Variants in ARSB observed in about 807,000 individuals in gnomAD.
ARSB encodes arylsulfatase B, also known as N-acetylgalactosamine-4-sulfatase.
In ARSB, 41 loss-of-function variants were observed where a neutral mutation model predicts 50.9. The observed-to-expected ratio is 0.81, with a 90% CI of 0.63 to 1.04. ARSB has a LOEUF of 1.04. ARSB is among the 50% of genes least tolerant of loss of function. The probability of loss-of-function intolerance (pLI) is 0.00; values close to 1 mark genes in which losing one functional copy is unlikely to be tolerated. For synonymous variants in ARSB, 269 were observed against 284.8 expected (o/e 0.94, Z 0.56); for missense variants, 672 against 693.3 (o/e 0.97, Z 0.35).
intron 5 of ARSB, among the ~76,000 whole-genome samples, chr5:78,846,705 T>C (rs1287769078): frequency 2.0e-5 from 3 of 152,190 alleles, no homozygotes; most frequent in Admixed American, 2.0e-4. Context: ...ATAGGGACAA[T>C]TTGACATCCT....
chr5:78,803,239 C>A (rs1360346198), intron 6 of ARSB, among the ~76,000 whole-genome samples: 1 of 152,194 alleles, frequency 6.6e-6, no homozygotes, highest in African/African-American at 2.4e-5. Context: ...GCTGGAACTC[C>A]AGCCTCCCGA....
chr5:78,980,345 C>T (rs1162220004), intron 1 of ARSB, among the ~76,000 whole-genome samples: 1 of 152,124 alleles, frequency 6.6e-6, no homozygotes, highest in Admixed American at 6.5e-5. Context: ...CAGAAAATTC[C>T]ATTTCTAGGA....
At chr5:78,846,860 C>T (rs1033040958) in intron 5 of ARSB, among the ~76,000 whole-genome samples, 15 of 152,116 alleles carry the variant, frequency 9.9e-5, no homozygotes, top group African/African-American at 3.1e-4. Flanking sequence ...AACTTTTTCC[C>T]ATTCAGTGCG....
chr5:78,869,203 C>A (rs1746980051), intron 5 of ARSB, among the ~76,000 whole-genome samples: 1 of 112,496 alleles, frequency 8.9e-6, no homozygotes, highest in African/African-American at 3.7e-5. Context: ...GACTCCCACA[C>A]ATTAATAATG....
At chr5:78,794,613 G>A (rs923347555) in intron 6 of ARSB, among the ~76,000 whole-genome samples, 3 of 152,162 alleles carry the variant, frequency 2.0e-5, no homozygotes, top group Non-Finnish European at 4.4e-5. Context: ...TGATAGGAAG[G>A]AGGAGGAGGG....
At chr5:78,866,770 T>A (rs1204986351) in intron 5 of ARSB, among the ~76,000 whole-genome samples, 2 of 152,010 alleles carry the variant, frequency 1.3e-5, no homozygotes, top group Non-Finnish European at 2.9e-5. Context: ...AATAACACAG[T>A]GTCAGAGAAT....
chr5:78,816,010 G>C, intron 6 of ARSB: 3 of 1,549,862 alleles, frequency 1.9e-6, no homozygotes, highest in Non-Finnish European at 2.6e-6. Context: ...GGCCTTGAGG[G>C]GCCCTTTCAG....
At chr5:78,854,837 T>C (rs1746058159) in intron 5 of ARSB, among the ~76,000 whole-genome samples, 1 of 152,242 alleles carries the variant, frequency 6.6e-6, no homozygotes, top group Non-Finnish European at 1.5e-5. Context: ...GAAGGGTAGA[T>C]TTGCTGGGTA....
At chr5:78,819,547 A>G (rs151233141) in intron 6 of ARSB, among the ~76,000 whole-genome samples, 1 of 152,340 alleles carries the variant, frequency 6.6e-6, no homozygotes, top group African/African-American at 2.4e-5. Flanking sequence ...AAAATCTACT[A>G]TATTTAGTTA....
At chr5:78,844,494 T>C (rs1374699841) in intron 5 of ARSB, among the ~76,000 whole-genome samples, 3 of 152,160 alleles carry the variant, frequency 2.0e-5, no homozygotes, top group Non-Finnish European at 1.5e-5. Context: ...TGTGGGTTGA[T>C]TTTTCACTTC....
chr5:78,802,442 C>A (rs559051792), intron 6 of ARSB, among the ~76,000 whole-genome samples: 1 of 152,064 alleles, frequency 6.6e-6, no homozygotes, highest in Non-Finnish European at 1.5e-5. Context: ...CACCTAGCAC[C>A]GTGTGGGTGT....
chr5:78,901,031 C>A (rs1211211307), intron 4 of ARSB, among the ~76,000 whole-genome samples: 1 of 117,984 alleles, frequency 8.5e-6, no homozygotes, highest in Non-Finnish European at 1.7e-5. Flanking sequence ...GGCGACAGAG[C>A]AAGACTCCGT....
chr5:78,955,447 T>C lies in ARSB; in HGVS notation c.746A>G (p.Glu249Gly). 1 of 1,614,198 alleles carries C rather than the reference T, an allele frequency of 6.2e-7. No homozygotes were observed. Among genetic ancestry groups the C allele is most frequent in the South Asian group, 1.1e-5 (1 of 91,088 alleles). The change falls in exon 4 of 8, where the codon GAG becomes GGG. Residue 249 changes from glutamate to glycine, a missense_variant. Physicochemically the swap from Glu to Gly is moderately conservative, Grantham distance 98. Coordinates refer to ENST00000264914, the MANE Select transcript of ARSB (RefSeq NM_000046.5). The stretch of plus-strand genomic sequence containing the variant: ...AAAGTCATATGGCTTCAAGTATTCC[T>C]CAGGGACCTGAAGGGGCTCATGCAC... The part of the protein sequence containing the change: ...QSVHEPLQVP[E>G]EYLKPYDFIQ...
chr5:78,890,145 T>C (rs943954217), intron 4 of ARSB, among the ~76,000 whole-genome samples: 6 of 152,138 alleles, frequency 3.9e-5, no homozygotes, highest in African/African-American at 1.2e-4. Context: ...TATGTCTTAG[T>C]ACACATCTAA....
intron 6 of ARSB, among the ~76,000 whole-genome samples, chr5:78,784,980 A>G (rs577017395): frequency 6.6e-6 from 1 of 151,712 alleles, no homozygotes; most frequent in African/African-American, 2.4e-5. Context: ...TTGTATTTTT[A>G]GTAGAGACAG....
At chr5:78,903,490 CCAT>C (rs1237522502) in intron 4 of ARSB, among the ~76,000 whole-genome samples, 1 of 152,200 alleles carries the variant, frequency 6.6e-6, no homozygotes, top group East Asian at 1.9e-4. Context: ...TTTCACCAGT[CCAT>C]CAAATTTGCT....
intron 6 of ARSB, among the ~76,000 whole-genome samples, chr5:78,803,808 C>A (rs1743475733): frequency 6.6e-6 from 1 of 152,260 alleles, no homozygotes; most frequent in Non-Finnish European, 1.5e-5. Context: ...ATTTACTGAG[C>A]ATCTACCCTG....
chr5:78,794,642 T>C (rs1344856833), intron 6 of ARSB, among the ~76,000 whole-genome samples: 2 of 152,148 alleles, frequency 1.3e-5, no homozygotes, highest in East Asian at 1.9e-4. Context: ...AAGAATGTTT[T>C]ATCAGGCAGG....
At chr5:78,856,523 A>C (rs912033524) in intron 5 of ARSB, among the ~76,000 whole-genome samples, 16 of 152,236 alleles carry the variant, frequency 1.1e-4, no homozygotes, top group Admixed American at 1.0e-3. Context: ...TCTTCCACAA[A>C]GGTGTGTATA....
Sources: gnomAD v4.1 joint callset for allele counts (sites outside exome capture counted in the v4.1 genomes callset) on GRCh38, gnomAD v4.1.1 for gene constraint, MANE v1.5 for transcripts, NCBI Gene and HGNC (gene_info 2026-07-23, HGNC 2026-07-21) for gene names.